The following BCAS1 variants were observed in gnomAD, a reference collection of about 807,000 sequenced individuals.
BCAS1 encodes the protein breast carcinoma-amplified sequence 1.
In BCAS1, 46 loss-of-function variants were observed where a neutral mutation model predicts 65.4. That is an observed-to-expected ratio of 0.70 (90% CI 0.55 to 0.90). BCAS1 has a LOEUF of 0.90. Among genes scored for constraint, BCAS1 ranks in the 40% least tolerant of loss-of-function variants. The pLI is 0.00. For synonymous variants in BCAS1, 298 were observed against 293.5 expected, an observed-to-expected ratio of 1.02 and a Z score of -0.16; for missense variants, 793 against 771.2, an observed-to-expected ratio of 1.03 and a Z score of -0.33.
intron 7 of BCAS1, among the ~76,000 whole-genome samples, chr20:53,987,628 A>G (rs2090646922): frequency 6.6e-6 from 1 of 152,204 alleles, no homozygotes; most frequent in Non-Finnish European, 1.5e-5. Context: ...CATGTCCTCA[A>G]GGAGAGGATG....
intron 12 of BCAS1, among the ~76,000 whole-genome samples, chr20:53,949,679 C>T (rs920799953): frequency 4.6e-5 from 7 of 152,184 alleles, no homozygotes; most frequent in Admixed American, 1.3e-4. Context: ...GACACTGGGA[C>T]GATGCAGGAC....
At chr20:54,047,093 TG>T (rs2092123108) in intron 3 of BCAS1, among the ~76,000 whole-genome samples, 1 of 152,170 alleles carries the variant, frequency 6.6e-6, no homozygotes, top group South Asian at 2.1e-4. Context: ...TGGACTGGGA[TG>T]GCTGGAATAT....
intron 9 of BCAS1, among the ~76,000 whole-genome samples, chr20:53,968,064 G>T (rs2090082384): frequency 6.6e-6 from 1 of 152,170 alleles, no homozygotes; most frequent in African/African-American, 2.4e-5. Flanking sequence ...GTGCTACGTT[G>T]CCCATGCTGG....
rs905218406 is a variant in BCAS1 at position 53,943,902 on chromosome 20, A to G, written c.*1020T>C. On this transcript the variant is annotated 3_prime_UTR_variant, in exon 13 of 13. Coordinates refer to ENST00000688948, the MANE Select transcript of BCAS1 (RefSeq NM_001366298.2). Reference sequence around the variant, plus strand: ...AGGGATACAGTATTACAGGATAAAAATGGGGACCTTGCCGCCCCCTTGTGT... The same window carrying G: ...AGGGATACAGTATTACAGGATAAAAGTGGGGACCTTGCCGCCCCCTTGTGT... The G allele has an allele frequency of 2.0e-5, 3 of 152,216 alleles. No individual in the cohort carries two copies. Among genetic ancestry groups the G allele is most frequent in the African/African-American group, 7.2e-5 (3 of 41,458 alleles). 9.4% of individuals were successfully genotyped at this position (152,216 alleles called of 1,614,324 possible).
At chr20:53,953,989 T>C (rs561732784) in intron 11 of BCAS1, among the ~76,000 whole-genome samples, 1 of 152,354 alleles carries the variant, frequency 6.6e-6, no homozygotes, top group Admixed American at 6.5e-5. Flanking sequence ...AACACCCTTC[T>C]TCCTCATCTA....
At chr20:54,042,704 C>T (rs557045899) in intron 3 of BCAS1, among the ~76,000 whole-genome samples, 6 of 152,238 alleles carry the variant, frequency 3.9e-5, no homozygotes, top group African/African-American at 1.2e-4. Flanking sequence ...TTATGTATAT[C>T]GCTCAGAATG....
intron 1 of BCAS1, among the ~76,000 whole-genome samples, chr20:54,067,643 G>T (rs936006296): frequency 6.6e-6 from 1 of 152,182 alleles, no homozygotes; most frequent in Non-Finnish European, 1.5e-5. Context: ...TGTAGTTACA[G>T]ATTAATAATA....
chr20:53,982,475 G>C (rs1389641804), intron 8 of BCAS1, among the ~76,000 whole-genome samples: 1 of 152,116 alleles, frequency 6.6e-6, no homozygotes, highest in Non-Finnish European at 1.5e-5. Flanking sequence ...TCCATAGCCT[G>C]TTCTGGGAAA....
intron 1 of BCAS1, among the ~76,000 whole-genome samples, chr20:54,059,413 G>T (rs1016896510): frequency 2.6e-5 from 4 of 151,884 alleles, no homozygotes; most frequent in African/African-American, 7.3e-5. Context: ...TTTAGAATGA[G>T]GGTAATTGAA....
Position 53,966,922 on chromosome 20 carries a change from G to T in BCAS1, c.1469C>A (p.Ala490Glu), listed in dbSNP as rs753600225. 1.2e-6 allele frequency: 2 copies of T among 1,608,312 alleles called. No individual in the cohort carries two copies. Among genetic ancestry groups the T allele is most frequent in the East Asian group, 4.5e-5 (2 of 44,826 alleles). The change falls in exon 10 of 13, where the codon GCG (alanine) becomes GAG (glutamate). Residue 490 changes from alanine to glutamate, a missense_variant. Physicochemically the swap from Ala to Glu is moderately radical, Grantham distance 107. Coordinates refer to ENST00000688948, the MANE Select transcript of BCAS1 (RefSeq NM_001366298.2). ...GGGGCTTACCATTTGTCTGAGAAAC[G>T]CCATCAGAGAGGTTCTTGGTTTGCT... ...EESKPRTSLM[A>E]FLRQMSVKGD...
At chr20:54,033,671 A>G (rs910103510) in intron 3 of BCAS1, among the ~76,000 whole-genome samples, 1 of 151,240 alleles carries the variant, frequency 6.6e-6, no homozygotes, top group Non-Finnish European at 1.5e-5. Flanking sequence ...ACTACCAACC[A>G]TAAAAAAACC....
At chr20:54,017,195 C>T (rs929390170) in intron 4 of BCAS1, among the ~76,000 whole-genome samples, 6 of 152,166 alleles carry the variant, frequency 3.9e-5, no homozygotes, top group African/African-American at 1.4e-4. Flanking sequence ...TTTTCTCCCT[C>T]AGCAACTCCT....
At chr20:54,065,141 TATCTATCTATCTATCTATCTATC>T (rs1370177516) in intron 1 of BCAS1, among the ~76,000 whole-genome samples, 10 of 140,588 alleles carry the variant, frequency 7.1e-5, no homozygotes, top group Admixed American at 5.6e-4. Flanking sequence ...TCTATCTATC[TATCTATCTATCTATCTATCTATC>T]ATCTACTTTA....
At chr20:53,977,835 A>G (rs2090373196) in intron 8 of BCAS1, among the ~76,000 whole-genome samples, 1 of 152,204 alleles carries the variant, frequency 6.6e-6, no homozygotes, top group African/African-American at 2.4e-5. Flanking sequence ...CCAGTTGAGC[A>G]TCTCTCAAAC....
intron 7 of BCAS1, among the ~76,000 whole-genome samples, chr20:53,987,234 G>T (rs903938828): frequency 2.0e-5 from 3 of 152,224 alleles, no homozygotes; most frequent in Non-Finnish European, 4.4e-5. Context: ...TTAAGATAAA[G>T]AACTGACGTC....
intron 3 of BCAS1, among the ~76,000 whole-genome samples, chr20:54,055,225 A>G (rs1417321152): frequency 6.6e-6 from 1 of 152,230 alleles, no homozygotes; most frequent in Non-Finnish European, 1.5e-5. Flanking sequence ...ATTATGGGAA[A>G]TAGTATGGAA....
chr20:53,977,540 T>C (rs12479580), intron 8 of BCAS1, among the ~76,000 whole-genome samples: 17,808 of 152,242 alleles, frequency 0.12, 1,395 homozygotes, highest in East Asian at 0.31. Context: ...CTAGTTTTTA[T>C]CTTTGATTGC....
At chr20:54,028,341 C>A (rs375432259) in intron 4 of BCAS1, 51 bp downstream of exon 4, 106 of 1,592,324 alleles carry the variant, frequency 6.7e-5, no homozygotes, top group Admixed American at 5.0e-5. Flanking sequence ...ATCCCATTAG[C>A]GCCCCCGAGC....
At chr20:54,026,292 A>T (rs1384511405) in intron 4 of BCAS1, among the ~76,000 whole-genome samples, 2 of 151,838 alleles carry the variant, frequency 1.3e-5, no homozygotes, top group Admixed American at 6.6e-5. Context: ...TCATTTTGGA[A>T]CACATTCCAC....
Sources: allele counts gnomAD v4.1 joint callset (sites outside exome capture counted in the v4.1 genomes callset), GRCh38; gene constraint gnomAD v4.1.1; transcripts MANE v1.5; gene names NCBI Gene and HGNC (gene_info 2026-07-23, HGNC 2026-07-21).